CDH13: variants seen among roughly 807,000 people sequenced by gnomAD.
CDH13 encodes cadherin 13.
Under a neutral mutation model 63.8 loss-of-function variants are expected in CDH13, and 24 were observed. That is an observed-to-expected ratio of 0.38 (90% CI 0.27 to 0.53). The LOEUF is 0.53. Among genes scored for constraint, CDH13 ranks in the 20% least tolerant of loss-of-function variants. The pLI is 0.85. For synonymous variants in CDH13, 503 were observed against 355.3 expected, an observed-to-expected ratio of 1.42 and a Z score of -4.67; for missense variants, 1,049 against 903.1, an observed-to-expected ratio of 1.16 and a Z score of -2.07.
chr16:83,093,658 A>G (rs1046071747), intron 3 of CDH13, among the ~76,000 whole-genome samples: 1 of 152,038 alleles, frequency 6.6e-6, no homozygotes, highest in Non-Finnish European at 1.5e-5. Context: ...ATTTCAAACA[A>G]TATGGGAATC....
At position 83,458,907 on chromosome 16, in the gene CDH13, C is replaced by A. The variant is rs548585128; in HGVS notation, c.782-27570C>A. Among the ~76,000 whole-genome samples, 6 of 152,294 alleles carry A rather than the reference C, an allele frequency of 3.9e-5. No individual in the cohort carries two copies. In the South Asian group the frequency reaches 1.0e-3, roughly 26 times the overall value. Reference sequence around the variant, plus strand: ...GAAAACATCCCATCATGCACTGCTTCTAGATATTGTCAAGAGAAGGGTATA... The same window carrying A: ...GAAAACATCCCATCATGCACTGCTTATAGATATTGTCAAGAGAAGGGTATA... On this transcript the variant is annotated intron_variant, in intron 6 of 13. Coordinates refer to ENST00000567109, the MANE Select transcript of CDH13 (RefSeq NM_001257.5).
intron 1 of CDH13, among the ~76,000 whole-genome samples, chr16:82,715,410 C>G (rs1209827967): frequency 1.3e-5 from 2 of 152,114 alleles, no homozygotes; most frequent in East Asian, 3.9e-4. Context: ...CTGCTTGCAC[C>G]TTATTAACGG....
At position 83,436,370 on chromosome 16, in the gene CDH13, C is replaced by T. The variant is rs375974175; in HGVS notation, c.782-50107C>T. Among the ~76,000 whole-genome samples the T allele has an allele frequency of 2.6e-4, 39 of 152,058 alleles. No homozygotes were observed. The South Asian group carries it at 8.1e-3, about 32-fold the overall frequency. Reference sequence around the variant, plus strand: ...TAAAAAAACGTACTCTCTCTAGAGGCTGGAGAGGGAGGATCGCTTGAGCCT... The same window carrying T: ...TAAAAAAACGTACTCTCTCTAGAGGTTGGAGAGGGAGGATCGCTTGAGCCT... On this transcript the variant is annotated intron_variant, in intron 6 of 13. Transcript: ENST00000567109.
At chr16:83,385,215 G>C (rs774409566) in intron 6 of CDH13, among the ~76,000 whole-genome samples, 1 of 152,238 alleles carries the variant, frequency 6.6e-6, no homozygotes, top group East Asian at 1.9e-4. Flanking sequence ...GTCAATGAGA[G>C]AGAATCATTG....
At chr16:83,369,685 A>G (rs2091327077) in intron 6 of CDH13, among the ~76,000 whole-genome samples, 2 of 152,130 alleles carry the variant, frequency 1.3e-5, no homozygotes, top group South Asian at 4.1e-4. Flanking sequence ...TCAGCCTCAC[A>G]TAGTGTTGGG....
At chr16:83,520,358 C>G (rs1334530804) in intron 7 of CDH13, among the ~76,000 whole-genome samples, 1 of 152,098 alleles carries the variant, frequency 6.6e-6, no homozygotes, top group Non-Finnish European at 1.5e-5. Context: ...TAGTGACTAC[C>G]TTGCAGAGAT....
intron 7 of CDH13, among the ~76,000 whole-genome samples, chr16:83,594,989 A>AAC (rs1907123282): frequency 6.6e-6 from 1 of 152,098 alleles, no homozygotes. Context: ...TTGTTTCTAG[A>AAC]ATATATATTA....
At chr16:82,700,555 C>A (rs1405199738) in intron 1 of CDH13, among the ~76,000 whole-genome samples, 6 of 151,506 alleles carry the variant, frequency 4.0e-5, no homozygotes, top group Non-Finnish European at 8.8e-5. Flanking sequence ...GTCTGTGTGT[C>A]TTTCTATGTG....
Position 83,575,269 on chromosome 16 carries a change from A to G in CDH13, c.961-27185A>G, listed in dbSNP as rs539634159. On this transcript the variant is annotated intron_variant, in intron 7 of 13. Coordinates refer to ENST00000567109, the MANE Select transcript of CDH13 (RefSeq NM_001257.5). Reference sequence around the variant, plus strand: ...CAACTCTGTAAATATGCTAAAAACAATTGAATTGTACACTTTAAATAGGTG... The same window carrying G: ...CAACTCTGTAAATATGCTAAAAACAGTTGAATTGTACACTTTAAATAGGTG... Among the ~76,000 whole-genome samples, 14 of 152,332 alleles carry G rather than the reference A, an allele frequency of 9.2e-5. No homozygotes were observed. In the South Asian group the frequency reaches 2.5e-3, roughly 27 times the overall value.
chr16:82,874,814 T>C (rs1024604341), intron 2 of CDH13, among the ~76,000 whole-genome samples: 3 of 152,236 alleles, frequency 2.0e-5, no homozygotes, highest in Non-Finnish European at 2.9e-5. Context: ...GGATAAATTA[T>C]ACTAAGAAAG....
At chr16:82,637,058 G>A (rs188768536) in intron 1 of CDH13, among the ~76,000 whole-genome samples, 1 of 152,194 alleles carries the variant, frequency 6.6e-6, no homozygotes, top group Non-Finnish European at 1.5e-5. Context: ...ATGCAGGGAA[G>A]TCCAATTTGC....
chr16:82,778,227 A>G (rs1186661860), intron 1 of CDH13, among the ~76,000 whole-genome samples: 1 of 152,180 alleles, frequency 6.6e-6, no homozygotes, highest in Non-Finnish European at 1.5e-5. Context: ...TTTGTCTTGA[A>G]TATTCATGCA....
At chr16:82,947,045 T>C (rs917687341) in intron 2 of CDH13, among the ~76,000 whole-genome samples, 1 of 150,124 alleles carries the variant, frequency 6.7e-6, no homozygotes, top group Middle Eastern at 3.2e-3. Flanking sequence ...TGTGTGTGTG[T>C]GTGATGTTGT....
At chr16:83,670,619 TA>T (rs1478782694) in intron 8 of CDH13, among the ~76,000 whole-genome samples, 170 bp from the exon 9 acceptor site, 4 of 152,216 alleles carry the variant, frequency 2.6e-5, no homozygotes. Context: ...TGGCCTCACC[TA>T]AGTTCAAGGA....
intron 2 of CDH13, among the ~76,000 whole-genome samples, chr16:82,934,908 A>C (rs1406654664): frequency 1.3e-5 from 2 of 152,238 alleles, no homozygotes; most frequent in African/African-American, 4.8e-5. Context: ...TAAGTTCCAA[A>C]CTTTACCACA....
At chr16:82,813,701 T>G (rs973104217) in intron 1 of CDH13, among the ~76,000 whole-genome samples, 3 of 152,130 alleles carry the variant, frequency 2.0e-5, no homozygotes, top group Non-Finnish European at 4.4e-5. Flanking sequence ...GGCCCAGGCT[T>G]TTAAAGATTC....
chr16:83,129,401 A>C (rs2035950869), intron 4 of CDH13, among the ~76,000 whole-genome samples: 2 of 152,210 alleles, frequency 1.3e-5, no homozygotes, highest in African/African-American at 4.8e-5. Flanking sequence ...AAATGAAGGC[A>C]GTTCATTTCA....
At chr16:83,522,365 C>G (rs1481103944) in intron 7 of CDH13, among the ~76,000 whole-genome samples, 1 of 152,090 alleles carries the variant, frequency 6.6e-6, no homozygotes, top group Non-Finnish European at 1.5e-5. Flanking sequence ...TATGGACTGT[C>G]AAAATTAACA....
chr16:82,842,428 G>A (rs999306228), intron 1 of CDH13, among the ~76,000 whole-genome samples: 1 of 151,636 alleles, frequency 6.6e-6, no homozygotes. Flanking sequence ...TCTTCACACT[G>A]TACCACTCTT....
Sources: gnomAD v4.1 joint callset for allele counts (sites outside exome capture counted in the v4.1 genomes callset) on GRCh38, gnomAD v4.1.1 for gene constraint, MANE v1.5 for transcripts, NCBI Gene and HGNC (gene_info 2026-07-23, HGNC 2026-07-21) for gene names.